Variants in PARP6 observed in about 807,000 individuals in gnomAD.
The protein encoded by PARP6 is protein mono-ADP-ribosyltransferase PARP6.
PARP6 carries 27 observed loss-of-function variants against 92.0 expected under a neutral mutation model. The ratio of observed to expected loss-of-function variants is 0.29; its 90% CI spans 0.22 to 0.40. PARP6 has a LOEUF of 0.40. Among genes scored for constraint, PARP6 ranks in the 10% least tolerant of loss-of-function variants. The pLI, the probability that PARP6 is intolerant of heterozygous loss-of-function variation, is 1.00. For synonymous variants in PARP6, 272 were observed against 281.2 expected, an observed-to-expected ratio of 0.97 and a Z score of 0.33; for missense variants, 501 against 784.5, an observed-to-expected ratio of 0.64 and a Z score of 4.32.
chr15:72,257,480 G>A, intron 12 of PARP6, 40 bp from the exon 13 acceptor site: 2 of 1,503,760 alleles, frequency 1.3e-6, no homozygotes, highest in Non-Finnish European at 1.9e-6. Flanking sequence ...GGGATGGGGT[G>A]TGCAATAAGG....
chr15:72,242,000 G>A lies in PARP6; in HGVS notation c.1706-15C>T. The A allele has an allele frequency of 1.3e-6, 2 of 1,593,838 alleles. No individual in the cohort carries two copies. The highest frequency in any genetic ancestry group is 1.7e-6 in the Non-Finnish European group (2 of 1,161,548). On this transcript the variant is annotated splice_polypyrimidine_tract_variant and intron_variant, in intron 22 of 23. Coordinates refer to ENST00000569795, the MANE Select transcript of PARP6 (RefSeq NM_001323532.2). The surrounding 1 kb of genome is among the most constrained non-coding windows in gnomAD (Gnocchi z 4.1). ...AGATGTAATCACTGGGAGAAAGAGG[G>A]CCAGAAATCATAGATACAATGCTTA...
At chr15:72,246,036 C>T (rs1445730982) in intron 20 of PARP6, among the ~76,000 whole-genome samples, 1 of 152,210 alleles carries the variant, frequency 6.6e-6, no homozygotes, top group Admixed American at 6.5e-5. Flanking sequence ...CAACCCTAAC[C>T]CCACTTTGGA....
intron 15 of PARP6, 187 bp from the exon 16 acceptor site, chr15:72,253,691 T>C (rs1317803956): frequency 1.6e-5 from 11 of 692,216 alleles, no homozygotes; most frequent in Non-Finnish European, 2.9e-5. Flanking sequence ...TAAATAAATA[T>C]GAAAATGACT....
At chr15:72,257,297 C>T in intron 13 of PARP6, 51 bp downstream of exon 13, 1 of 1,283,922 alleles carries the variant, frequency 7.8e-7, no homozygotes, top group Non-Finnish European at 1.1e-6. Flanking sequence ...TTGCTGGGTT[C>T]CTCTGTCTTT....
At chr15:72,247,785 CTTTTT>C (rs1195123974) in intron 20 of PARP6, among the ~76,000 whole-genome samples, 1 of 151,822 alleles carries the variant, frequency 6.6e-6, no homozygotes, top group African/African-American at 2.4e-5. Flanking sequence ...TCTCTTATTA[CTTTTT>C]ATTTTTTTTT....
chr15:72,268,742 T>C (rs1157265573), intron 2 of PARP6, among the ~76,000 whole-genome samples: 1 of 152,226 alleles, frequency 6.6e-6, no homozygotes, highest in African/African-American at 2.4e-5. Flanking sequence ...TTTTGGCAGT[T>C]ATGGTCTCAG....
rs75454642 is a variant in PARP6 at position 72,254,307 on chromosome 15, G to T, written c.1191+148C>A. 8.7e-4 allele frequency: 541 copies of T among 619,476 alleles called. 4 individuals carry two copies. The East Asian group carries it at 0.014, about 16-fold the overall frequency. 38.4% of individuals were successfully genotyped at this position (619,476 alleles called of 1,614,324 possible). On this transcript the variant is annotated intron_variant, in intron 15 of 23. Transcript: ENST00000569795. ...ACAGAGCTAACAAAACAGAGAACAG[G>T]AATTGGGAAGGTTAAAGAGGAAAGA...
chr15:72,268,674 G>T (rs1468565612), intron 2 of PARP6, among the ~76,000 whole-genome samples: 1 of 152,198 alleles, frequency 6.6e-6, no homozygotes, highest in East Asian at 1.9e-4. Flanking sequence ...CTCCAGCCTG[G>T]ACAGTAAGAG....
intron 2 of PARP6, among the ~76,000 whole-genome samples, chr15:72,269,771 C>T (rs1179168360): frequency 2.6e-5 from 4 of 151,736 alleles, no homozygotes; most frequent in Non-Finnish European, 4.4e-5. Context: ...TGGTGGTGCA[C>T]GCCTGTAATC....
At position 72,269,807 on chromosome 15, in the gene PARP6, G is replaced by A. The variant is rs558683622; in HGVS notation, c.-195+1216C>T. On this transcript the variant is annotated intron_variant, in intron 2 of 23. Coordinates refer to ENST00000569795, the MANE Select transcript of PARP6 (RefSeq NM_001323532.2). Reference sequence around the variant, plus strand: ...CCAGCTACTCAGGAGGCTGAGGCAGGAGAATCACTTGACCTACGGAGGCAG... The same window carrying A: ...CCAGCTACTCAGGAGGCTGAGGCAGAAGAATCACTTGACCTACGGAGGCAG... 3.3e-4 allele frequency among the ~76,000 whole-genome samples: 49 copies of A among 149,538 alleles called. No homozygotes were observed. In the South Asian group the frequency reaches 9.9e-3, roughly 30 times the overall value.
intron 14 of PARP6, 129 bp downstream of exon 14, chr15:72,256,336 G>A (rs1253500068): frequency 1.5e-6 from 1 of 666,986 alleles, no homozygotes; most frequent in African/African-American, 1.9e-5. Context: ...TACTGAAACA[G>A]CTAAATCACA....
intron 7 of PARP6, 54 bp from the exon 8 acceptor site, chr15:72,264,675 G>T: frequency 7.0e-7 from 1 of 1,418,750 alleles, no homozygotes; most frequent in Non-Finnish European, 9.9e-7. Flanking sequence ...TCTTCCTGGA[G>T]TCCAAAGCTC....
chr15:72,270,438 GCTACT>G lies in PARP6; in HGVS notation c.-195+580_-195+584del, dbSNP rs148266862. Among the ~76,000 whole-genome samples, 270 of 152,148 alleles carry G rather than the reference GCTACT, an allele frequency of 1.8e-3. 7 individuals carry two copies. The East Asian group carries it at 0.051, about 29-fold the overall frequency. ...AAAAAGTTTAAAAAAAAAATCAGAAGCTACTCTAATGGGCTGTCCTCAAAGTCAAG... is the reference window on the plus strand; with the variant it reads ...AAAAAGTTTAAAAAAAAAATCAGAAGCTAATGGGCTGTCCTCAAAGTCAAG... On this transcript the variant is annotated intron_variant, in intron 2 of 23. Transcript: ENST00000569795.
chr15:72,251,019 G>T, intron 17 of PARP6, 65 bp from the exon 18 acceptor site: 2 of 1,247,622 alleles, frequency 1.6e-6, no homozygotes, highest in Non-Finnish European at 2.3e-6. Flanking sequence ...GGAGGGAAGG[G>T]TTGGGGATAG....
At chr15:72,264,454 A>C (rs1192922566) in intron 8 of PARP6, 101 bp downstream of exon 8, 1 of 837,442 alleles carries the variant, frequency 1.2e-6, no homozygotes, top group Non-Finnish European at 1.9e-6. Context: ...ACATTTTTGG[A>C]AGGGGGCATT....
In PARP6 at chr15:72,258,105, G is replaced by C. The variant is rs755336134; in HGVS notation, c.838C>G (p.Pro280Ala). The C allele has an allele frequency of 8.7e-6, 14 of 1,613,438 alleles. No homozygotes were observed. The Admixed American group carries it at 2.3e-4, about 27-fold the overall frequency. ...ACCACACAGTACTCATTCAATGTTG[G>C]AATCCTCTGTTCTGCATACTTCATG... The part of the protein sequence containing the change: ...QIMKYAEQRI[P>A]TLNEYCVVCD... The change falls in exon 12 of 24, where the codon CCA (proline) becomes GCA (alanine). Residue 280 changes from proline to alanine, a missense_variant. This residue lies in a region of PARP6 where 291 missense variants were observed against 352.0 expected (regional missense o/e 0.83). Transcript: ENST00000569795.
chr15:72,246,330 A>G lies in PARP6; in HGVS notation c.1561+2915T>C, dbSNP rs1443066623. ...ATGTCCAGCTAATTTTTCTATTTTT[A>G]GTAGAGACAGGGTTTCACCATGTTG... On this transcript the variant is annotated intron_variant, in intron 20 of 23. Coordinates refer to ENST00000569795, the MANE Select transcript of PARP6 (RefSeq NM_001323532.2). Among the ~76,000 whole-genome samples the G allele has an allele frequency of 2.0e-5, 3 of 152,106 alleles. No individual in the cohort carries two copies. In the East Asian group the frequency reaches 5.8e-4, roughly 29 times the overall value.
At chr15:72,249,787 C>T (rs1166269616) in intron 19 of PARP6, among the ~76,000 whole-genome samples, 1 of 152,214 alleles carries the variant, frequency 6.6e-6, no homozygotes, top group Non-Finnish European at 1.5e-5. Context: ...CATATTCCTG[C>T]TTACAGGTAC....
chr15:72,260,469 C>T lies in PARP6; in HGVS notation c.756+9G>A. ...GATAGCCAAGTCAAACCCTCCCCAG[C>T]CCATGTACCAAAGGAGAGGTCCGTG... On this transcript the variant is annotated intron_variant, in intron 10 of 23. Transcript: ENST00000569795. The T allele has an allele frequency of 6.2e-7, 1 of 1,609,480 alleles. No individual in the cohort carries two copies. Among genetic ancestry groups the T allele is most frequent in the Middle Eastern group, 1.7e-4 (1 of 6,028 alleles).
Sources: allele counts gnomAD v4.1 joint callset (sites outside exome capture counted in the v4.1 genomes callset), GRCh38; gene constraint gnomAD v4.1.1; regional missense constraint gnomAD v4.1.1; non-coding constraint Gnocchi (gnomAD v3.1); transcripts MANE v1.5; gene names NCBI Gene and HGNC (gene_info 2026-07-23, HGNC 2026-07-21).